The following PDE7A variants were observed in gnomAD, a reference collection of about 807,000 sequenced individuals.
The protein encoded by PDE7A is phosphodiesterase 7A.
Under a neutral mutation model 64.3 loss-of-function variants are expected in PDE7A, and 39 were observed. That is an observed-to-expected ratio of 0.61 (90% confidence interval 0.47 to 0.79). PDE7A has a LOEUF of 0.79. Among genes scored for constraint, PDE7A ranks in the 30% least tolerant of loss-of-function variants. The pLI is 0.00. For synonymous variants in PDE7A, 203 were observed against 206.8 expected (o/e 0.98, Z 0.16); for missense variants, 470 against 582.8 (o/e 0.81, Z 1.99).
At chr8:65,778,074 A>T (rs1809310461) in intron 3 of PDE7A, among the ~76,000 whole-genome samples, 1 of 152,222 alleles carries the variant, frequency 6.6e-6, no homozygotes, top group Admixed American at 6.5e-5. Flanking sequence ...ATGGGAGATT[A>T]AAAAGGTTTT....
At chr8:65,741,046 A>G (rs1190553968) in intron 5 of PDE7A, among the ~76,000 whole-genome samples, 1 of 152,196 alleles carries the variant, frequency 6.6e-6, no homozygotes, top group Non-Finnish European at 1.5e-5. Context: ...AAATTTGGAA[A>G]AACTACCATT....
rs142107405 is a variant in PDE7A at position 65,836,145 on chromosome 8, T to A, written c.138+5226A>T. On this transcript the variant is annotated intron_variant, in intron 1 of 12. Coordinates refer to ENST00000401827, the MANE Select transcript of PDE7A (RefSeq NM_001242318.3). ...AACCACTTCCCTTGGGGTATCCCACTCACTGGCCACACTAGTCCCTGTATC... is the reference window on the plus strand; with the variant it reads ...AACCACTTCCCTTGGGGTATCCCACACACTGGCCACACTAGTCCCTGTATC... Among the ~76,000 whole-genome samples, 285 of 152,316 alleles carry A rather than the reference T, an allele frequency of 1.9e-3. 3 individuals are homozygous for A. The highest frequency in any genetic ancestry group is 0.012 in the East Asian group (62 of 5,186).
intron 1 of PDE7A, chr8:65,838,717 A>G (rs958598727): frequency 2.0e-5 from 3 of 152,220 alleles, no homozygotes; most frequent in African/African-American, 7.2e-5. Context: ...GGGTGCTTGT[A>G]AAAGTTGCTG....
At chr8:65,769,518 T>G (rs1018678654) in intron 3 of PDE7A, among the ~76,000 whole-genome samples, 5 of 152,168 alleles carry the variant, frequency 3.3e-5, no homozygotes, top group African/African-American at 1.2e-4. Flanking sequence ...ACAAGTTAGT[T>G]TCAAAATGTC....
chr8:65,804,006 ATC>A (rs774042437), intron 1 of PDE7A, among the ~76,000 whole-genome samples: 3 of 152,196 alleles, frequency 2.0e-5, no homozygotes, highest in Non-Finnish European at 4.4e-5. Context: ...ATACCAACAT[ATC>A]TCTTTTAATA....
rs181975292 is a variant in PDE7A at position 65,801,124 on chromosome 8, C to G, written c.139-18281G>C. Among the ~76,000 whole-genome samples the G allele has an allele frequency of 4.0e-4, 61 of 152,188 alleles. No homozygotes were observed. The Middle Eastern group carries it at 0.017, about 42-fold the overall frequency. ...TGACTCCAATCCAGCCTGGGCAACA[C>G]AGTGAGACCCCCAAAGGCGACAAAA... On this transcript the variant is annotated intron_variant, in intron 1 of 12. Transcript: ENST00000401827.
intron 1 of PDE7A, among the ~76,000 whole-genome samples, chr8:65,815,928 C>T (rs1407123304): frequency 6.6e-6 from 1 of 152,204 alleles, no homozygotes; most frequent in Non-Finnish European, 1.5e-5. Context: ...CAAAGCAACA[C>T]ACTATAACAA....
intron 1 of PDE7A, among the ~76,000 whole-genome samples, chr8:65,835,672 T>C (rs1423383395): frequency 2.0e-5 from 3 of 152,210 alleles, no homozygotes; most frequent in Non-Finnish European, 4.4e-5. Flanking sequence ...CTCTCCCTCT[T>C]TCCACCCAAA....
intron 3 of PDE7A, among the ~76,000 whole-genome samples, chr8:65,771,601 C>T (rs56139500): frequency 0.42 from 63,212 of 151,934 alleles, 16,756 homozygotes; most frequent in African/African-American, 0.76. Flanking sequence ...CAGTGGCTCA[C>T]GCGGTGGCTC....
intron 1 of PDE7A, among the ~76,000 whole-genome samples, chr8:65,785,705 G>A (rs556612599): frequency 2.0e-5 from 3 of 152,260 alleles, no homozygotes; most frequent in Admixed American, 1.3e-4. Flanking sequence ...CAGATACTAT[G>A]TAATAACTTG....
intron 12 of PDE7A, chr8:65,722,979 A>G (rs1806447494): frequency 6.6e-6 from 1 of 152,374 alleles, no homozygotes; most frequent in South Asian, 2.1e-4. Flanking sequence ...CTTGGGAAAC[A>G]CAGAAGCGTC....
intron 9 of PDE7A, 56 bp from the exon 10 acceptor site, chr8:65,724,977 G>T: frequency 8.4e-7 from 1 of 1,191,664 alleles, no homozygotes; most frequent in South Asian, 1.7e-5. Flanking sequence ...ACTATTTATT[G>T]ATTTTTTTTC....
chr8:65,819,859 C>A (rs1018851010), intron 1 of PDE7A, among the ~76,000 whole-genome samples: 2 of 152,162 alleles, frequency 1.3e-5, no homozygotes, highest in African/African-American at 4.8e-5. Flanking sequence ...AAGTTCTCAC[C>A]AATGATGCAA....
intron 1 of PDE7A, chr8:65,789,164 C>T (rs1809636382): frequency 3.6e-6 from 3 of 836,592 alleles, no homozygotes; most frequent in Non-Finnish European, 5.0e-6. Flanking sequence ...GCCACAACCG[C>T]AGGGTTGGGG....
At chr8:65,756,769 A>C (rs905368685) in intron 3 of PDE7A, among the ~76,000 whole-genome samples, 4 of 151,768 alleles carry the variant, frequency 2.6e-5, no homozygotes, top group East Asian at 1.9e-4. Flanking sequence ...TTTATATCAA[A>C]TTCTTTTTTT....
intron 3 of PDE7A, among the ~76,000 whole-genome samples, chr8:65,757,195 C>G (rs982640137): frequency 6.6e-6 from 1 of 152,140 alleles, no homozygotes; most frequent in East Asian, 1.9e-4. Flanking sequence ...AGAGTCCTGC[C>G]TTGGGGCAGG....
chr8:65,810,805 AAAGT>A (rs1810242289), intron 1 of PDE7A, among the ~76,000 whole-genome samples: 2 of 152,184 alleles, frequency 1.3e-5, no homozygotes, highest in Admixed American at 6.5e-5. Context: ...ATTTCCTAAT[AAAGT>A]AAGAAAAAGG....
At chr8:65,740,457 A>G (rs1009923230) in intron 5 of PDE7A, among the ~76,000 whole-genome samples, 6 of 151,924 alleles carry the variant, frequency 3.9e-5, no homozygotes, top group Admixed American at 3.3e-4. Context: ...CTGGAGTACA[A>G]TGGTGCGATC....
At chr8:65,729,613 G>T (rs1806756422) in intron 7 of PDE7A, among the ~76,000 whole-genome samples, 1 of 152,172 alleles carries the variant, frequency 6.6e-6, no homozygotes, top group East Asian at 1.9e-4. Flanking sequence ...GCCCAGCCTG[G>T]AGTGCAGTGG....
Sources: allele counts gnomAD v4.1 joint callset (sites outside exome capture counted in the v4.1 genomes callset), GRCh38; gene constraint gnomAD v4.1.1; transcripts MANE v1.5; gene names NCBI Gene and HGNC (gene_info 2026-07-23, HGNC 2026-07-21).